Variants in ZNF730 observed in about 807,000 individuals in gnomAD.
ZNF730 encodes zinc finger protein 730, also known as putative zinc finger protein 730.
Under a neutral mutation model 12.6 loss-of-function variants are expected in ZNF730, and 12 were observed. The ratio of observed to expected loss-of-function variants is 0.95; its 90% CI spans 0.61 to 1.54. The LOEUF is 1.54. Ranked by LOEUF, ZNF730 falls within the 40% of genes most tolerant of loss-of-function variation. ZNF730 has a pLI of 0.00. For missense variants in ZNF730, 643 were observed against 583.5 expected, an observed-to-expected ratio of 1.10 and a Z score of -1.05; for synonymous variants, 194 against 195.8, an observed-to-expected ratio of 0.99 and a Z score of 0.08.
intron 1 of ZNF730, among the ~76,000 whole-genome samples, chr19:23,082,535 CAG>C: frequency 6.6e-6 from 1 of 151,700 alleles, no homozygotes; most frequent in East Asian, 1.9e-4. Flanking sequence ...TCAGTAGAGA[CAG>C]GGTTTCACCA....
chr19:23,095,896 T>G (rs1416257902), intron 1 of ZNF730, among the ~76,000 whole-genome samples: 1 of 152,182 alleles, frequency 6.6e-6, no homozygotes, highest in Non-Finnish European at 1.5e-5. Context: ...TGATGTGATT[T>G]TCCTCCACTC....
intron 1 of ZNF730, among the ~76,000 whole-genome samples, chr19:23,123,034 CTT>C (rs1970619030): frequency 6.6e-6 from 1 of 152,116 alleles, no homozygotes. Flanking sequence ...GTTTTAGTGT[CTT>C]TCATTTCACT....
chr19:23,094,046 T>C (rs749892588), intron 1 of ZNF730, among the ~76,000 whole-genome samples: 3 of 152,116 alleles, frequency 2.0e-5, no homozygotes, highest in African/African-American at 4.8e-5. Context: ...GAGGGTGCGA[T>C]TGTGGCTCAC....
intron 1 of ZNF730, among the ~76,000 whole-genome samples, chr19:23,104,849 T>C (rs182113193): frequency 2.0e-5 from 3 of 152,092 alleles, no homozygotes; most frequent in Non-Finnish European, 4.4e-5. Flanking sequence ...GTGAAAAATA[T>C]CACTTTTTAA....
chr19:23,140,217 T>G (rs1231353590), intron 3 of ZNF730, among the ~76,000 whole-genome samples: 4 of 152,200 alleles, frequency 2.6e-5, no homozygotes. Context: ...TATTTTCACC[T>G]TGTGTTTAAT....
intron 1 of ZNF730, chr19:23,095,632 C>G: frequency 2.6e-6 from 1 of 389,562 alleles, no homozygotes; most frequent in Non-Finnish European, 4.5e-6. Context: ...CCTCAGAAGC[C>G]GTGGTGGTGT....
intron 1 of ZNF730, among the ~76,000 whole-genome samples, chr19:23,093,757 T>C (rs965788900): frequency 3.9e-5 from 6 of 152,178 alleles, no homozygotes; most frequent in African/African-American, 1.4e-4. Context: ...ACTTGAGCCC[T>C]TCCTCCTCTT....
intron 1 of ZNF730, among the ~76,000 whole-genome samples, chr19:23,125,330 G>A (rs1568312600): frequency 6.6e-6 from 1 of 152,180 alleles, no homozygotes; most frequent in Non-Finnish European, 1.5e-5. Context: ...GGCAGAGGTT[G>A]GAGCAGTTTG....
At chr19:23,140,620 A>AC (rs1356828925) in intron 3 of ZNF730, among the ~76,000 whole-genome samples, 1 of 149,668 alleles carries the variant, frequency 6.7e-6, no homozygotes, top group Non-Finnish European at 1.5e-5. Flanking sequence ...AAAAAAAAAA[A>AC]AAAAGATGTA....
Position 23,146,837 on chromosome 19 carries a change from CA to C in ZNF730, c.*284del. The stretch of plus-strand genomic sequence containing the variant: ...GTGAAGAATGTGACAAAGCCTTTAA[CA>C]AATCCTTAATTCTTAACAGACATGA... On this transcript the variant is annotated 3_prime_UTR_variant, in exon 4 of 4. Coordinates refer to ENST00000597761, the MANE Select transcript of ZNF730 (RefSeq NM_001277403.2). 2 of 807,926 alleles carry C rather than the reference CA, an allele frequency of 2.5e-6. No homozygotes were observed. Among genetic ancestry groups the C allele is most frequent in the Non-Finnish European group, 4.3e-6 (2 of 469,810 alleles). 50.0% of individuals were successfully genotyped at this position (807,926 alleles called of 1,614,324 possible).
intron 1 of ZNF730, among the ~76,000 whole-genome samples, chr19:23,093,811 T>C (rs1033228518): frequency 6.6e-6 from 1 of 152,170 alleles, no homozygotes; most frequent in Non-Finnish European, 1.5e-5. Context: ...AGGGGCATGG[T>C]GGGAAGGAAG....
intron 1 of ZNF730, among the ~76,000 whole-genome samples, chr19:23,109,811 T>C (rs1422568355): frequency 6.6e-6 from 1 of 152,030 alleles, no homozygotes; most frequent in Non-Finnish European, 1.5e-5. Flanking sequence ...CCTCCCAAAG[T>C]GCTGAGATTA....
chr19:23,116,167 G>A (rs1970516800), upstream of ZNF730, among the ~76,000 whole-genome samples: 1 of 152,118 alleles, frequency 6.6e-6, no homozygotes, highest in Non-Finnish European at 1.5e-5. Context: ...ATCTAACATT[G>A]GAGGTCCAGA....
chr19:23,143,806 G>A (rs534549335), intron 3 of ZNF730: 17 of 152,094 alleles, frequency 1.1e-4, no homozygotes, highest in Admixed American at 4.6e-4. Flanking sequence ...TGGTTATATC[G>A]TAAGACTATG....
chr19:23,141,649 A>G (rs1323125673), intron 3 of ZNF730, among the ~76,000 whole-genome samples: 1 of 152,118 alleles, frequency 6.6e-6, no homozygotes, highest in Non-Finnish European at 1.5e-5. Flanking sequence ...TATATTTGTG[A>G]ATTTTTTTAG....
chr19:23,092,915 G>A (rs1970180956), intron 1 of ZNF730, among the ~76,000 whole-genome samples: 1 of 152,144 alleles, frequency 6.6e-6, no homozygotes, highest in East Asian at 1.9e-4. Flanking sequence ...ACTCTGTTGG[G>A]TTTTGGTGTG....
upstream of ZNF730, among the ~76,000 whole-genome samples, chr19:23,112,785 G>A (rs1472206493): frequency 4.0e-5 from 6 of 151,776 alleles, no homozygotes; most frequent in Non-Finnish European, 7.4e-5. Flanking sequence ...ATTTTAATGG[G>A]ACATTTGTTG....
At chr19:23,086,924 G>A (rs1418878065) in intron 1 of ZNF730, among the ~76,000 whole-genome samples, 5 of 152,156 alleles carry the variant, frequency 3.3e-5, no homozygotes, top group Admixed American at 3.3e-4. Flanking sequence ...TTATTCATAA[G>A]CATGGAAAGT....
intron 1 of ZNF730, among the ~76,000 whole-genome samples, chr19:23,117,811 G>A (rs933114824): frequency 6.6e-6 from 1 of 152,154 alleles, no homozygotes; most frequent in Non-Finnish European, 1.5e-5. Context: ...TTAATAGGCA[G>A]TTTATAGTTT....
Sources: allele counts gnomAD v4.1 joint callset (sites outside exome capture counted in the v4.1 genomes callset), GRCh38; gene constraint gnomAD v4.1.1; transcripts MANE v1.5; gene names NCBI Gene and HGNC (gene_info 2026-07-23, HGNC 2026-07-21).